The following SORCS2 variants were observed in gnomAD, a reference collection of about 807,000 sequenced individuals.
SORCS2 encodes the protein sortilin related VPS10 domain containing receptor 2, also known as VPS10 domain-containing receptor SorCS2.
Under a neutral mutation model 141.6 loss-of-function variants are expected in SORCS2, and 100 were observed. That is an observed-to-expected ratio of 0.71 (90% CI 0.60 to 0.83). The LOEUF is 0.83. Ranked by LOEUF, SORCS2 falls within the 40% of genes least tolerant of loss-of-function variation. SORCS2 has a pLI of 0.00. For missense variants in SORCS2, 1,646 were observed against 1,560.2 expected, an observed-to-expected ratio of 1.05 and a Z score of -0.93; for synonymous variants, 789 against 676.9, an observed-to-expected ratio of 1.17 and a Z score of -2.57.
chr4:7,351,865 T>G (rs923505608), intron 1 of SORCS2, among the ~76,000 whole-genome samples: 1 of 151,884 alleles, frequency 6.6e-6, no homozygotes, highest in African/African-American at 2.4e-5. Context: ...AATCCATTCA[T>G]CCCCCATCCA....
intron 4 of SORCS2, among the ~76,000 whole-genome samples, chr4:7,646,702 T>C (rs964039092): frequency 4.6e-5 from 7 of 152,190 alleles, no homozygotes; most frequent in Admixed American, 4.6e-4. Context: ...AGGCGGCGTT[T>C]GCAAGCCGAG....
chr4:7,412,157 G>A (rs1212881580), intron 2 of SORCS2, among the ~76,000 whole-genome samples: 1 of 152,212 alleles, frequency 6.6e-6, no homozygotes, highest in Non-Finnish European at 1.5e-5. Flanking sequence ...TGTAGGAGCT[G>A]CCCGGAGTGT....
intron 1 of SORCS2, chr4:7,310,383 G>A (rs1347096274): frequency 6.5e-6 from 1 of 154,306 alleles, no homozygotes; most frequent in Non-Finnish European, 1.5e-5. Context: ...GTTCCTCAGA[G>A]CAGCCTCCCT....
Position 7,724,388 on chromosome 4 carries a change from G to GT in SORCS2, c.2611+507dup, listed in dbSNP as rs1219492057. 5.0e-4 allele frequency among the ~76,000 whole-genome samples: 72 copies of GT among 142,582 alleles called. 1 individual carries two copies. Among genetic ancestry groups the GT allele is most frequent in the African/African-American group, 1.6e-3 (56 of 35,764 alleles). The allele number at this position is 142,582 out of a possible 152,430, so 93.5% of individuals were successfully genotyped here. A position where few individuals can be genotyped will look rare whatever the true frequency, so the allele number is the denominator to read the frequency against. On this transcript the variant is annotated intron_variant, in intron 19 of 26. Transcript: ENST00000507866. ...ATGGTGATGATGGTGGTGATAGGGT[G>GT]TTGGTGATGGTGATAGTAGTGGTGG...
intron 18 of SORCS2, among the ~76,000 whole-genome samples, chr4:7,718,450 C>T (rs957287388): frequency 3.9e-5 from 6 of 152,124 alleles, no homozygotes; most frequent in East Asian, 1.9e-4. Context: ...CAGAAGGAGA[C>T]GTGGTTTCAC....
chr4:7,664,460 ATCT>A lies in SORCS2; in HGVS notation c.1065_1067del (p.Phe356del). 1.2e-6 allele frequency: 2 copies of A among 1,611,734 alleles called. No individual in the cohort carries two copies. The highest frequency in any genetic ancestry group is 8.5e-7 in the Non-Finnish European group (1 of 1,178,316). On this transcript the variant is annotated inframe_deletion, in exon 7 of 27. Coordinates refer to ENST00000507866, the MANE Select transcript of SORCS2 (RefSeq NM_020777.3). The surrounding 1 kb of genome is among the most constrained non-coding windows in gnomAD (Gnocchi z 4.7). ...GTCTCTGACCGTGCAGGACGATTACATCTTCTTTAAGGTAAGGTTGCTTCTGGG... is the reference window on the plus strand; with the variant it reads ...GTCTCTGACCGTGCAGGACGATTACATCTTTAAGGTAAGGTTGCTTCTGGG...
chr4:7,433,337 G>C (rs1727016540), intron 2 of SORCS2: 2 of 1,423,806 alleles, frequency 1.4e-6, no homozygotes, highest in Admixed American at 3.2e-5. Flanking sequence ...CCAGCGTGGA[G>C]GTGCATCTCT....
chr4:7,655,202 T>TACACACACACACACACACACAC (rs144046004), intron 5 of SORCS2, among the ~76,000 whole-genome samples: 28 of 148,984 alleles, frequency 1.9e-4, no homozygotes, highest in African/African-American at 6.9e-4. Context: ...CTTGTGCGTG[T>TACACACACACACACACACACAC]ACACACACAC....
chr4:7,389,049 C>G (rs1723688529), intron 1 of SORCS2, among the ~76,000 whole-genome samples: 1 of 152,206 alleles, frequency 6.6e-6, no homozygotes, highest in South Asian at 2.1e-4. Context: ...CTGCCCGTGC[C>G]CCACTGCGGG....
chr4:7,288,073 G>A (rs1054249845), intron 1 of SORCS2, among the ~76,000 whole-genome samples: 2 of 152,242 alleles, frequency 1.3e-5, no homozygotes, highest in African/African-American at 2.4e-5. Flanking sequence ...GGCCTCCTCC[G>A]GTGATTTCAG....
At chr4:7,529,003 T>G (rs562425534) in intron 2 of SORCS2, among the ~76,000 whole-genome samples, 133 of 152,266 alleles carry the variant, frequency 8.7e-4, no homozygotes, top group Admixed American at 5.9e-3. Context: ...ATTTCCAAAT[T>G]CTTATAACAC....
At chr4:7,321,065 TA>T (rs1718866549) in intron 1 of SORCS2, among the ~76,000 whole-genome samples, 1 of 152,130 alleles carries the variant, frequency 6.6e-6, no homozygotes, top group African/African-American at 2.4e-5. Flanking sequence ...TTGTATCCAA[TA>T]TGTAATTTTT....
chr4:7,300,481 GCACCCCTGCCT>G (rs1168308590), intron 1 of SORCS2, among the ~76,000 whole-genome samples: 1 of 152,160 alleles, frequency 6.6e-6, no homozygotes, highest in Non-Finnish European at 1.5e-5. Flanking sequence ...GTGAAGAGAG[GCACCCCTGCCT>G]CTGCTTTCAG....
chr4:7,276,367 C>T (rs996738098), intron 1 of SORCS2, among the ~76,000 whole-genome samples: 4 of 152,116 alleles, frequency 2.6e-5, no homozygotes, highest in Non-Finnish European at 4.4e-5. Context: ...CTGTTCCCTC[C>T]GGCAGACAAG....
intron 11 of SORCS2, among the ~76,000 whole-genome samples, chr4:7,694,161 A>T (rs753057408): frequency 5.9e-5 from 9 of 152,184 alleles, no homozygotes; most frequent in Non-Finnish European, 1.2e-4. Context: ...GAGAGGAAGC[A>T]TGTCTTCATT....
chr4:7,434,700 CT>C (rs1560282520), intron 2 of SORCS2: 2 of 1,613,034 alleles, frequency 1.2e-6, no homozygotes, highest in South Asian at 2.2e-5. Flanking sequence ...AGGGCAGAGA[CT>C]TCGCGGTGGG....
chr4:7,348,531 A>G (rs575077694), intron 1 of SORCS2, among the ~76,000 whole-genome samples: 1 of 152,246 alleles, frequency 6.6e-6, no homozygotes, highest in Non-Finnish European at 1.5e-5. Context: ...GCTCATTAGG[A>G]ACAAATTTCA....
intron 1 of SORCS2, among the ~76,000 whole-genome samples, chr4:7,325,890 G>T (rs1004915241): frequency 2.0e-5 from 3 of 152,184 alleles, no homozygotes; most frequent in African/African-American, 7.2e-5. Flanking sequence ...CCATGCACTG[G>T]CGGGCGGGGC....
chr4:7,217,848 G>A (rs550945596), intron 1 of SORCS2, among the ~76,000 whole-genome samples: 3 of 152,332 alleles, frequency 2.0e-5, no homozygotes, highest in East Asian at 3.9e-4. Context: ...GGGCTCATAG[G>A]GGCAAGGTTC....
Sources: gnomAD v4.1 joint callset for allele counts (sites outside exome capture counted in the v4.1 genomes callset) on GRCh38, gnomAD v4.1.1 for gene constraint, Gnocchi (gnomAD v3.1) non-coding constraint, MANE v1.5 for transcripts, NCBI Gene and HGNC (gene_info 2026-07-23, HGNC 2026-07-21) for gene names.